ABI2: variants seen among roughly 807,000 people sequenced by gnomAD.
The protein encoded by ABI2 is abelson interactor 2.
A neutral mutation model predicts 59.2 loss-of-function variants in ABI2; 25 were observed. That is an observed-to-expected ratio of 0.42 (90% CI 0.31 to 0.59). The LOEUF (loss-of-function observed/expected upper bound fraction) is 0.59. Ranked by LOEUF, ABI2 falls within the 20% of genes least tolerant of loss-of-function variation. The pLI is 0.14. For synonymous variants in ABI2, 213 were observed against 235.5 expected, an observed-to-expected ratio of 0.90 and a Z score of 0.87; for missense variants, 545 against 681.8, an observed-to-expected ratio of 0.80 and a Z score of 2.23.
intron 1 of ABI2, among the ~76,000 whole-genome samples, chr2:203,348,936 G>A (rs1284769975): frequency 1.3e-5 from 2 of 151,612 alleles, no homozygotes; most frequent in Non-Finnish European, 2.9e-5. Flanking sequence ...TTGTTTGTTT[G>A]TTTGTTTGTT....
chr2:203,402,636 T>G lies in ABI2; in HGVS notation c.1094T>G (p.Ile365Arg). The G allele has an allele frequency of 6.2e-7, 1 of 1,607,608 alleles. No individual in the cohort carries two copies. The highest frequency in any genetic ancestry group is 8.5e-7 in the Non-Finnish European group (1 of 1,177,890). ...RPASRHTPPT[I>R]GGSLPYRRPP... The stretch of plus-strand genomic sequence containing the variant: ...GCCTCTCGCCATACTCCCCCAACAA[T>G]AGGGGGCTCGTTGCCCTATAGACGC... The change falls in exon 9 of 12, where the codon ATA becomes AGA. Residue 365 changes from isoleucine to arginine, a missense_variant. Ile to Arg is a moderately conservative substitution (Grantham distance 97). Transcript: ENST00000261018.
In ABI2 at chr2:203,385,155, G is replaced by GGC. The variant is rs1352521786; in HGVS notation, c.480+2949_480+2950insGC. 3.2e-4 allele frequency among the ~76,000 whole-genome samples: 4 copies of GGC among 12,390 alleles called. 1 individual carries two copies. Among genetic ancestry groups the GGC allele is most frequent in the Non-Finnish European group, 1.6e-3 (4 of 2,542 alleles). 8.1% of individuals were successfully genotyped at this position (12,390 alleles called of 152,430 possible). A position where few individuals can be genotyped will look rare whatever the true frequency, so the allele number is the denominator to read the frequency against. ...GCTCAGATTCTTTTTTTTTTTTTGA[G>GGC]ACAGTCTTGCCGTTGCCCAGGCTGG... is the stretch of plus-strand genomic sequence containing the variant. On this transcript the variant is annotated intron_variant, in intron 4 of 11. Transcript: ENST00000261018.
chr2:203,336,270 G>A (rs953724035), intron 1 of ABI2, among the ~76,000 whole-genome samples: 5 of 152,158 alleles, frequency 3.3e-5, no homozygotes, highest in African/African-American at 1.2e-4. Context: ...TTTGTATACA[G>A]GTGTTGGTGC....
At chr2:203,357,910 A>G (rs2092566027) in intron 1 of ABI2, among the ~76,000 whole-genome samples, 1 of 152,054 alleles carries the variant, frequency 6.6e-6, no homozygotes, top group Non-Finnish European at 1.5e-5. Context: ...CTGGGACTAC[A>G]GGTGTGGACC....
intron 2 of ABI2, chr2:203,376,164 T>C: frequency 6.8e-7 from 1 of 1,480,102 alleles, no homozygotes. Flanking sequence ...CCTTCCTCTA[T>C]AGATCTTTGG....
chr2:203,427,395 T>C lies in ABI2; in HGVS notation c.*43T>C, dbSNP rs768200359. ...CTTGCCTCACAGGAATAGTCAGGTC[T>C]TCCCAGATTATCTGAAGGCCCTGGG... is the stretch of plus-strand genomic sequence containing the variant. On this transcript the variant is annotated 3_prime_UTR_variant, in exon 12 of 12. Transcript: ENST00000261018. 4 of 1,546,172 alleles carry C rather than the reference T, an allele frequency of 2.6e-6. No homozygotes were observed. In the African/African-American group the frequency reaches 5.4e-5, roughly 21 times the overall value.
At chr2:203,369,976 A>T (rs1017032293) in intron 2 of ABI2, among the ~76,000 whole-genome samples, 5 of 152,176 alleles carry the variant, frequency 3.3e-5, no homozygotes, top group African/African-American at 1.2e-4. Flanking sequence ...TTGAATATCA[A>T]AACTATTTGA....
chr2:203,413,932 C>T (rs992680808), intron 10 of ABI2, among the ~76,000 whole-genome samples: 1 of 152,078 alleles, frequency 6.6e-6, no homozygotes, highest in African/African-American at 2.4e-5. Context: ...AGCTATGACC[C>T]TGTTATTCCC....
At chr2:203,389,773 G>GA (rs2096668845) in intron 4 of ABI2, among the ~76,000 whole-genome samples, 1 of 152,200 alleles carries the variant, frequency 6.6e-6, no homozygotes, top group South Asian at 2.1e-4. Flanking sequence ...GTCTCAACTT[G>GA]AGACTGCATT....
intron 5 of ABI2, among the ~76,000 whole-genome samples, chr2:203,393,052 C>T (rs999769973): frequency 6.6e-6 from 1 of 151,962 alleles, no homozygotes; most frequent in Non-Finnish European, 1.5e-5. Context: ...TTGGATGCAA[C>T]AGAACTTATT....
At chr2:203,353,936 C>A (rs2090447484) in intron 1 of ABI2, among the ~76,000 whole-genome samples, 1 of 152,190 alleles carries the variant, frequency 6.6e-6, no homozygotes, top group South Asian at 2.1e-4. Context: ...ATATTTCTTC[C>A]TATCTTCTTA....
At chr2:203,330,290 C>CA (rs1370397756) in intron 1 of ABI2, among the ~76,000 whole-genome samples, 2 of 142,864 alleles carry the variant, frequency 1.4e-5, no homozygotes, top group African/African-American at 5.2e-5. Flanking sequence ...AAGATTAATA[C>CA]AAAAAAATAC....
chr2:203,360,560 T>C, intron 1 of ABI2, among the ~76,000 whole-genome samples: 1 of 151,992 alleles, frequency 6.6e-6, no homozygotes, highest in East Asian at 1.9e-4. Flanking sequence ...ATGGTAAGAA[T>C]AGAGAGAGAT....
intron 9 of ABI2, among the ~76,000 whole-genome samples, chr2:203,408,849 T>TTTTTTTTTTTTTTA (rs2097541704): frequency 8.2e-6 from 1 of 122,406 alleles, no homozygotes; most frequent in Non-Finnish European, 1.8e-5. Flanking sequence ...TTTTTTTTTT[T>TTTTTTTTTTTTTTA]GAGACGGAGT....
chr2:203,380,696 C>A (rs976615089), intron 3 of ABI2, among the ~76,000 whole-genome samples: 2 of 152,102 alleles, frequency 1.3e-5, no homozygotes, highest in Non-Finnish European at 2.9e-5. Flanking sequence ...ATTAAAAAAT[C>A]ATTCATCATG....
chr2:203,364,009 C>T (rs565786915), intron 1 of ABI2, among the ~76,000 whole-genome samples: 1 of 151,868 alleles, frequency 6.6e-6, no homozygotes, highest in South Asian at 2.1e-4. Flanking sequence ...GGTGATCTGC[C>T]CACCTTGGCC....
rs974381631 is a variant in ABI2 at position 203,351,429 on chromosome 2, C to T, written c.118-15448C>T. The stretch of plus-strand genomic sequence containing the variant: ...GAATCTGTAGATAAACTTGGGGAGC[C>T]ATCTTAATGATAGTAACTTTTCTGA... On this transcript the variant is annotated intron_variant, in intron 1 of 11. Coordinates refer to ENST00000261018, the MANE Select transcript of ABI2 (RefSeq NM_001375670.1). 2.1e-5 allele frequency: 7 copies of T among 337,342 alleles called. No individual in the cohort carries two copies. In the East Asian group the frequency reaches 6.7e-4, roughly 32 times the overall value. 20.9% of individuals were successfully genotyped at this position (337,342 alleles called of 1,614,324 possible). A position where few individuals can be genotyped will look rare whatever the true frequency, so the allele number is the denominator to read the frequency against.
chr2:203,380,514 A>G, intron 3 of ABI2, 130 bp downstream of exon 3: 1 of 538,036 alleles, frequency 1.9e-6, no homozygotes, highest in Non-Finnish European at 3.0e-6. Context: ...GGTTGTGAAG[A>G]TTCCTTGCTA....
chr2:203,362,966 G>A (rs905639996), intron 1 of ABI2, among the ~76,000 whole-genome samples: 16 of 152,064 alleles, frequency 1.1e-4, no homozygotes, highest in African/African-American at 3.9e-4. Flanking sequence ...GAGGAGCTGG[G>A]ACTACAGGCA....
Sources: gnomAD v4.1 joint callset for allele counts (sites outside exome capture counted in the v4.1 genomes callset) on GRCh38, gnomAD v4.1.1 for gene constraint, MANE v1.5 for transcripts, NCBI Gene and HGNC (gene_info 2026-07-23, HGNC 2026-07-21) for gene names.